Variants in GRM5 observed in about 807,000 individuals in gnomAD.
GRM5 encodes the protein glutamate metabotropic receptor 5.
GRM5 carries 19 observed loss-of-function variants against 83.1 expected under a neutral mutation model. The observed-to-expected ratio is 0.23, with a 90% CI of 0.16 to 0.34. GRM5 has a LOEUF of 0.34. GRM5 is among the 10% of genes least tolerant of loss of function. The probability of loss-of-function intolerance (pLI) is 1.00; values close to 1 mark genes in which losing one functional copy is unlikely to be tolerated. For synonymous variants in GRM5, 675 were observed against 633.6 expected (o/e 1.07, Z -0.98); for missense variants, 1,160 against 1,588.3 (o/e 0.73, Z 4.58).
intron 2 of GRM5, among the ~76,000 whole-genome samples, chr11:88,972,998 A>C (rs1939214137): frequency 6.6e-6 from 1 of 152,168 alleles, no homozygotes; most frequent in Non-Finnish European, 1.5e-5. Flanking sequence ...ATTTTTAAAA[A>C]TGTTAGGACC....
intron 9 of GRM5, chr11:88,523,932 C>T (rs1450459744): frequency 6.6e-6 from 1 of 152,198 alleles, no homozygotes; most frequent in Non-Finnish European, 1.5e-5. Flanking sequence ...GTCTCAAGCT[C>T]TGCTCTCAGC....
intron 2 of GRM5, among the ~76,000 whole-genome samples, chr11:88,885,953 C>A (rs569856231): frequency 6.6e-6 from 1 of 152,080 alleles, no homozygotes; most frequent in African/African-American, 2.4e-5. Context: ...AAAGAGCAGA[C>A]GAGATGGTGC....
At position 88,509,421 on chromosome 11, in the gene GRM5, A is replaced by C; in HGVS notation, c.2810T>G (p.Ile937Ser). The change falls in exon 10 of 10, where the codon ATC becomes AGC. Residue 937 changes from isoleucine (I) to serine (S), a missense_variant. By Grantham distance (142) the Ile-to-Ser change is moderately radical. Around this residue, in one of 9 missense-constraint regions of GRM5, gnomAD observed 562 missense variants for 532.4 expected, o/e 1.06. Coordinates refer to ENST00000305447, the MANE Select transcript of GRM5 (RefSeq NM_001143831.3). ...TTGGTTGGGGTTTTCTTTCTTGTTG[A>C]TGTGGATGGACAGGCGCTGCCACAG... is the stretch of plus-strand genomic sequence containing the variant. ...QHLWQRLSIH[I>S]NKKENPNQTA... 2.5e-6 allele frequency: 4 copies of C among 1,612,670 alleles called. No individual in the cohort carries two copies. The highest frequency in any genetic ancestry group is 3.4e-6 in the Non-Finnish European group (4 of 1,179,828).
chr11:88,654,492 G>A (rs1939717487), intron 3 of GRM5, among the ~76,000 whole-genome samples: 1 of 152,008 alleles, frequency 6.6e-6, no homozygotes, highest in Admixed American at 6.6e-5. Flanking sequence ...TGTAAAGGAA[G>A]TATGGGGAAA....
chr11:88,567,531 C>T lies in GRM5; in HGVS notation c.2152G>A (p.Asp718Asn). ...ATGCTTGGGTAGTCATGCATTATGT[C>T]AGGAGGCTCCATTATAAAGAGGGCA... ...IVALFIMEPP[D>N]IMHDYPSIRE... The change falls in exon 8 of 10, where the codon GAC (aspartate) becomes AAC (asparagine). Residue 718 changes from aspartate (D) to asparagine (N), a missense_variant. Asp to Asn is a conservative substitution (Grantham distance 23). Transcript: ENST00000305447. The surrounding 1 kb of genome is among the most constrained non-coding windows in gnomAD (Gnocchi z 7.3). The T allele has an allele frequency of 1.2e-6, 2 of 1,613,810 alleles. No homozygotes were observed. Among genetic ancestry groups the T allele is most frequent in the Non-Finnish European group, 1.7e-6 (2 of 1,179,744 alleles).
chr11:88,973,337 C>T (rs1162569546), intron 2 of GRM5, among the ~76,000 whole-genome samples: 1 of 152,092 alleles, frequency 6.6e-6, no homozygotes, highest in Non-Finnish European at 1.5e-5. Context: ...TAAGTGTTGT[C>T]ATATAACAAA....
intron 2 of GRM5, among the ~76,000 whole-genome samples, chr11:88,979,470 C>T (rs776124302): frequency 2.6e-5 from 4 of 152,230 alleles, no homozygotes; most frequent in Admixed American, 6.5e-5. Flanking sequence ...CAAGTCATTA[C>T]GTTACAGGTA....
chr11:88,842,240 T>A (rs1944217142), intron 3 of GRM5, among the ~76,000 whole-genome samples: 1 of 152,178 alleles, frequency 6.6e-6, no homozygotes, highest in Non-Finnish European at 1.5e-5. Flanking sequence ...GGTTTGTGTG[T>A]GAGTTTGTCC....
intron 8 of GRM5, among the ~76,000 whole-genome samples, chr11:88,532,525 T>C (rs1942036353): frequency 6.6e-6 from 1 of 152,064 alleles, no homozygotes; most frequent in East Asian, 1.9e-4. Flanking sequence ...AGCATAAACA[T>C]GGAAGTGCAG....
chr11:88,930,593 T>C (rs1205401318), intron 2 of GRM5, among the ~76,000 whole-genome samples: 1 of 152,060 alleles, frequency 6.6e-6, no homozygotes, highest in African/African-American at 2.4e-5. Flanking sequence ...GTGAGATCAC[T>C]GCAACCTCAC....
chr11:88,780,852 A>G (rs907920135), intron 3 of GRM5, among the ~76,000 whole-genome samples: 3 of 151,996 alleles, frequency 2.0e-5, no homozygotes, highest in African/African-American at 7.3e-5. Flanking sequence ...GTTCAGTATA[A>G]CTTCTCAGAA....
chr11:89,038,064 A>G (rs1252096887), intron 2 of GRM5, among the ~76,000 whole-genome samples: 3 of 152,168 alleles, frequency 2.0e-5, no homozygotes, highest in Non-Finnish European at 4.4e-5. Context: ...AACCCTCTAA[A>G]TTGGTTTTAC....
intron 4 of GRM5, among the ~76,000 whole-genome samples, chr11:88,619,124 T>C (rs181839672): frequency 2.0e-5 from 3 of 152,362 alleles, no homozygotes; most frequent in East Asian, 1.9e-4. Flanking sequence ...TCTGTGATTA[T>C]AATTTAACTT....
intron 6 of GRM5, among the ~76,000 whole-genome samples, chr11:88,593,733 C>CCTCCCTCCCTCCTTCG (rs201740079): frequency 6.7e-6 from 1 of 149,640 alleles, no homozygotes; most frequent in African/African-American, 2.5e-5. Context: ...TTCTTCCTTC[C>CCTCCCTCCCTCCTTCG]CTCCCTCCCT....
intron 4 of GRM5, 127 bp from the exon 5 acceptor site, chr11:88,605,091 A>G (rs1346395243): frequency 4.2e-6 from 3 of 706,308 alleles, no homozygotes; most frequent in Non-Finnish European, 7.3e-6. Context: ...AGTTAGAACC[A>G]TGGGTAACAC....
At chr11:88,655,678 T>C (rs1360265048) in intron 3 of GRM5, among the ~76,000 whole-genome samples, 2 of 151,964 alleles carry the variant, frequency 1.3e-5, no homozygotes, top group Non-Finnish European at 2.9e-5. Flanking sequence ...TCTGTTTTTT[T>C]TTTTTTTGAG....
At position 88,992,664 on chromosome 11, in the gene GRM5, A is replaced by G. The variant is rs552355685; in HGVS notation, c.661+54548T>C. Among the ~76,000 whole-genome samples the G allele has an allele frequency of 7.1e-3, 1,083 of 151,886 alleles. 16 individuals carry two copies. The highest frequency in any genetic ancestry group is 0.024 in the African/African-American group (986 of 41,304). On this transcript the variant is annotated intron_variant, in intron 2 of 9. Transcript: ENST00000305447. The stretch of plus-strand genomic sequence containing the variant: ...TAGATTAAGAAAATGTGTCACATAT[A>G]CACCATGGAATACTATGCAGCCATA...
intron 3 of GRM5, among the ~76,000 whole-genome samples, chr11:88,769,518 C>T (rs993990244): frequency 6.6e-6 from 1 of 151,764 alleles, no homozygotes; most frequent in African/African-American, 2.4e-5. Flanking sequence ...GGTTCAGGTG[C>T]AGGAAATATA....
At chr11:88,954,273 A>C (rs2135683067) in intron 2 of GRM5, among the ~76,000 whole-genome samples, 1 of 152,310 alleles carries the variant, frequency 6.6e-6, no homozygotes, top group Non-Finnish European at 1.5e-5. Flanking sequence ...AAAGAAAATT[A>C]GTTAAGAATT....
Sources: gnomAD v4.1 joint callset for allele counts (sites outside exome capture counted in the v4.1 genomes callset) on GRCh38, gnomAD v4.1.1 for gene constraint, gnomAD v4.1.1 regional missense constraint, Gnocchi (gnomAD v3.1) non-coding constraint, MANE v1.5 for transcripts, NCBI Gene and HGNC (gene_info 2026-07-23, HGNC 2026-07-21) for gene names.